The following CSMD1 variants were observed in gnomAD, a reference collection of about 807,000 sequenced individuals.
CSMD1 encodes the protein CUB and sushi domain-containing protein 1.
A neutral mutation model predicts 417.5 loss-of-function variants in CSMD1; 213 were observed. The ratio of observed to expected loss-of-function variants is 0.51; its 90% CI spans 0.46 to 0.57. The LOEUF is 0.57. Ranked by LOEUF, CSMD1 falls within the 20% of genes least tolerant of loss-of-function variation. The pLI, the probability that CSMD1 is intolerant of heterozygous loss-of-function variation, is 0.00. For missense variants in CSMD1, 6,923 were observed against 4,529.7 expected (o/e 1.53, Z -15.17); for synonymous variants, 2,862 against 1,736.8 (o/e 1.65, Z -16.11).
chr8:3,814,887 C>A (rs1801288531), intron 5 of CSMD1, among the ~76,000 whole-genome samples: 1 of 152,106 alleles, frequency 6.6e-6, no homozygotes, highest in South Asian at 2.1e-4. Context: ...TATTTAAAGT[C>A]ATGGTGAAAA....
At chr8:3,562,499 A>G (rs1297456056) in intron 10 of CSMD1, among the ~76,000 whole-genome samples, 1 of 150,392 alleles carries the variant, frequency 6.6e-6, no homozygotes, top group African/African-American at 2.4e-5. Context: ...AACACAGATG[A>G]GTGCCACAGC....
intron 7 of CSMD1, among the ~76,000 whole-genome samples, chr8:3,656,301 AG>A (rs1798101365): frequency 6.6e-6 from 1 of 152,230 alleles, no homozygotes; most frequent in African/African-American, 2.4e-5. Context: ...ATACTCTCTC[AG>A]AAGCTTAGGG....
At chr8:4,795,316 G>T (rs1029172792) in intron 1 of CSMD1, among the ~76,000 whole-genome samples, 1 of 115,452 alleles carries the variant, frequency 8.7e-6, no homozygotes, top group Non-Finnish European at 1.7e-5. Context: ...CTGTCGCCTA[G>T]GCTGGAGTGC....
At chr8:4,405,165 T>A (rs578074310) in intron 3 of CSMD1, among the ~76,000 whole-genome samples, 138 of 152,338 alleles carry the variant, frequency 9.1e-4, no homozygotes, top group African/African-American at 3.2e-3. Flanking sequence ...CTTCCTGGAA[T>A]CCACCATAAA....
At chr8:3,978,944 C>G (rs1489170512) in intron 5 of CSMD1, among the ~76,000 whole-genome samples, 1 of 152,216 alleles carries the variant, frequency 6.6e-6, no homozygotes, top group African/African-American at 2.4e-5. Context: ...TTGCCAGCCA[C>G]AGGTTCCACT....
chr8:4,852,081 T>G (rs1019443428), intron 1 of CSMD1, among the ~76,000 whole-genome samples: 1 of 152,212 alleles, frequency 6.6e-6, no homozygotes, highest in African/African-American at 2.4e-5. Flanking sequence ...TCAGATTCCC[T>G]CTCTCTTTAT....
intron 23 of CSMD1, among the ~76,000 whole-genome samples, chr8:3,331,315 T>G (rs1035993376): frequency 1.3e-5 from 2 of 152,254 alleles, no homozygotes; most frequent in East Asian, 1.9e-4. Flanking sequence ...CGTTGATATC[T>G]GTGGTAAAGA....
intron 3 of CSMD1, among the ~76,000 whole-genome samples, chr8:4,051,989 T>C (rs917949252): frequency 2.0e-5 from 3 of 151,818 alleles, no homozygotes; most frequent in African/African-American, 7.3e-5. Flanking sequence ...GCAACAGTGT[T>C]ATCTCGGCTC....
chr8:4,854,634 G>C (rs935428906), intron 1 of CSMD1, among the ~76,000 whole-genome samples: 3 of 152,158 alleles, frequency 2.0e-5, no homozygotes, highest in Admixed American at 6.5e-5. Flanking sequence ...CCCTTTCTGA[G>C]TCAAAGAAAG....
intron 3 of CSMD1, among the ~76,000 whole-genome samples, chr8:4,193,618 A>T (rs1799164088): frequency 6.6e-6 from 1 of 152,154 alleles, no homozygotes; most frequent in Non-Finnish European, 1.5e-5. Flanking sequence ...TGAGGAGCCA[A>T]TGAGTGTGCT....
chr8:4,153,996 T>G (rs1369050361), intron 3 of CSMD1, among the ~76,000 whole-genome samples: 1 of 152,216 alleles, frequency 6.6e-6, no homozygotes, highest in Admixed American at 6.5e-5. Context: ...AATCCAATGA[T>G]AGCTTTCCAT....
chr8:3,795,901 A>ATACC lies in CSMD1; in HGVS notation c.819-41860_819-41859insGGTA, dbSNP rs1554440386. Among the ~76,000 whole-genome samples, 8 of 47,520 alleles carry ATACC rather than the reference A, an allele frequency of 1.7e-4. 1 individual carries two copies. Among genetic ancestry groups the ATACC allele is most frequent in the Admixed American group, 4.5e-4 (2 of 4,398 alleles). The allele number at this position is 47,520 out of a possible 152,430, so 31.2% of individuals were successfully genotyped here. On this transcript the variant is annotated intron_variant, in intron 5 of 69. Transcript: ENST00000635120. Reference sequence around the variant, plus strand: ...ATATATCTATCATGTACAGATATATATATCATGTACAGATATAGATATCTA... The same window carrying ATACC: ...ATATATCTATCATGTACAGATATATATACCTATCATGTACAGATATAGATATCTA...
intron 3 of CSMD1, among the ~76,000 whole-genome samples, chr8:4,216,572 C>T (rs970469792): frequency 2.0e-5 from 3 of 152,178 alleles, no homozygotes; most frequent in Non-Finnish European, 2.9e-5. Flanking sequence ...GCTGCCACTG[C>T]CAACGGAGCC....
chr8:3,946,463 G>C (rs936654309), intron 5 of CSMD1, among the ~76,000 whole-genome samples: 11 of 152,098 alleles, frequency 7.2e-5, no homozygotes, highest in African/African-American at 2.7e-4. Flanking sequence ...ATCGTATTAT[G>C]TAAGTCCTCC....
chr8:3,457,603 T>A (rs1382131789), intron 12 of CSMD1, among the ~76,000 whole-genome samples: 1 of 152,212 alleles, frequency 6.6e-6, no homozygotes, highest in African/African-American at 2.4e-5. Context: ...AAGAATAGAA[T>A]AGTCCCATCT....
chr8:4,116,890 C>T (rs960157076), intron 3 of CSMD1, among the ~76,000 whole-genome samples: 1 of 152,028 alleles, frequency 6.6e-6, no homozygotes, highest in Non-Finnish European at 1.5e-5. Context: ...AATAAGCTTT[C>T]TGAAATCAGA....
At chr8:4,430,245 G>A (rs1489518481) in intron 2 of CSMD1, among the ~76,000 whole-genome samples, 2 of 152,144 alleles carry the variant, frequency 1.3e-5, no homozygotes, top group East Asian at 1.9e-4. Context: ...ATACTGGGTC[G>A]GAGAAGAAAT....
intron 21 of CSMD1, among the ~76,000 whole-genome samples, chr8:3,357,102 C>T (rs758436737): frequency 1.3e-5 from 2 of 152,058 alleles, no homozygotes; most frequent in Non-Finnish European, 2.9e-5. Context: ...GGCCAGAATC[C>T]TCCAGAGCTA....
chr8:3,192,607 C>T (rs1405760973), intron 33 of CSMD1, among the ~76,000 whole-genome samples: 1 of 152,170 alleles, frequency 6.6e-6, no homozygotes, highest in Non-Finnish European at 1.5e-5. Context: ...AGAAGCAGCA[C>T]TTTGGCACAA....
Sources: allele counts gnomAD v4.1 joint callset (sites outside exome capture counted in the v4.1 genomes callset), GRCh38; gene constraint gnomAD v4.1.1; transcripts MANE v1.5; gene names NCBI Gene and HGNC (gene_info 2026-07-23, HGNC 2026-07-21).